GRM8: variants seen among roughly 807,000 people sequenced by gnomAD.
GRM8 encodes metabotropic glutamate receptor 8.
In GRM8, 47 loss-of-function variants were observed where a neutral mutation model predicts 87.2. That is an observed-to-expected ratio of 0.54 (90% CI 0.43 to 0.69). The LOEUF (loss-of-function observed/expected upper bound fraction) is 0.69. Among genes scored for constraint, GRM8 ranks in the 30% least tolerant of loss-of-function variants. The probability of loss-of-function intolerance (pLI) is 0.00; values close to 1 mark genes in which losing one functional copy is unlikely to be tolerated. For missense variants in GRM8, 1,019 were observed against 1,139.2 expected (o/e 0.89, Z 1.52); for synonymous variants, 396 against 404.5 (o/e 0.98, Z 0.25).
chr7:127,012,966 G>A (rs1411323438), intron 3 of GRM8, among the ~76,000 whole-genome samples: 1 of 152,108 alleles, frequency 6.6e-6, no homozygotes, highest in Non-Finnish European at 1.5e-5. Context: ...ACACACAGAG[G>A]GTGGCAGAGA....
At position 126,970,595 on chromosome 7, in the gene GRM8, A is replaced by G. The variant is rs781235678; in HGVS notation, c.728-65912T>C. On this transcript the variant is annotated intron_variant, in intron 3 of 10. Coordinates refer to ENST00000339582, the MANE Select transcript of GRM8 (RefSeq NM_000845.3). Reference sequence around the variant, plus strand: ...TATCCAAACCACAAAAACTTTCTCTATATCAGCAGTAAGGCTGTTTTGCTT... The same window carrying G: ...TATCCAAACCACAAAAACTTTCTCTGTATCAGCAGTAAGGCTGTTTTGCTT... 2.0e-5 allele frequency among the ~76,000 whole-genome samples: 3 copies of G among 152,292 alleles called. No individual in the cohort carries two copies. The East Asian group carries it at 5.8e-4, about 29-fold the overall frequency.
At chr7:127,003,057 T>C (rs1813884876) in intron 3 of GRM8, among the ~76,000 whole-genome samples, 1 of 151,698 alleles carries the variant, frequency 6.6e-6, no homozygotes, top group African/African-American at 2.4e-5. Context: ...TCCATTGCTC[T>C]GCCAGGGACA....
intron 3 of GRM8, among the ~76,000 whole-genome samples, chr7:126,963,190 C>G (rs1297130824): frequency 6.6e-6 from 1 of 152,156 alleles, no homozygotes; most frequent in Non-Finnish European, 1.5e-5. Flanking sequence ...ATCAATTTCT[C>G]TTTATTTTGG....
chr7:126,828,333 A>T (rs1330157561), intron 6 of GRM8, among the ~76,000 whole-genome samples: 3 of 152,072 alleles, frequency 2.0e-5, no homozygotes, highest in Admixed American at 2.0e-4. Context: ...CTGTGAATCC[A>T]TCTGGTCCTG....
intron 3 of GRM8, among the ~76,000 whole-genome samples, chr7:127,004,309 A>G (rs932929842): frequency 1.3e-5 from 2 of 151,726 alleles, no homozygotes; most frequent in Admixed American, 1.3e-4. Context: ...GCAAAAGAAT[A>G]TCATTAATAA....
At chr7:126,453,070 AACACACACACACACACACAC>A (rs71177555) in intron 9 of GRM8, among the ~76,000 whole-genome samples, 3 of 145,948 alleles carry the variant, frequency 2.1e-5, no homozygotes, top group African/African-American at 7.6e-5. Context: ...TTATAGCAGA[AACACACACACACACACACAC>A]ACACACACAC....
chr7:126,472,248 G>C (rs1310706134), intron 9 of GRM8, among the ~76,000 whole-genome samples: 1 of 152,136 alleles, frequency 6.6e-6, no homozygotes, highest in Non-Finnish European at 1.5e-5. Context: ...GTGAGAGAGG[G>C]CATCCCTGTC....
At chr7:126,853,825 T>C (rs1797442809) in intron 6 of GRM8, among the ~76,000 whole-genome samples, 1 of 152,176 alleles carries the variant, frequency 6.6e-6, no homozygotes, top group African/African-American at 2.4e-5. Flanking sequence ...GTTATTTGCT[T>C]TTCCTCTTTC....
intron 2 of GRM8, among the ~76,000 whole-genome samples, chr7:127,164,123 A>C (rs764883220): frequency 2.0e-5 from 3 of 152,032 alleles, no homozygotes; most frequent in African/African-American, 4.8e-5. Context: ...CCGATCATTT[A>C]AAGGGGTATA....
intron 3 of GRM8, among the ~76,000 whole-genome samples, chr7:126,931,424 C>T (rs1805758287): frequency 6.6e-6 from 1 of 152,112 alleles, no homozygotes; most frequent in Non-Finnish European, 1.5e-5. Flanking sequence ...TAAAATTGCA[C>T]TGAGCATAAT....
At chr7:126,734,663 A>G (rs1227460981) in intron 7 of GRM8, among the ~76,000 whole-genome samples, 2 of 151,960 alleles carry the variant, frequency 1.3e-5, no homozygotes, top group Non-Finnish European at 2.9e-5. Context: ...TCAATGTTTC[A>G]TTATTAAAAT....
At chr7:127,028,306 T>C (rs1817006259) in intron 3 of GRM8, among the ~76,000 whole-genome samples, 1 of 152,202 alleles carries the variant, frequency 6.6e-6, no homozygotes, top group South Asian at 2.1e-4. Flanking sequence ...TTTTTTGTTG[T>C]GTCTCTGCCA....
chr7:126,896,402 C>T lies in GRM8; in HGVS notation c.1156+6140G>A, dbSNP rs541200673. Among the ~76,000 whole-genome samples the T allele has an allele frequency of 7.2e-5, 11 of 152,014 alleles. No individual in the cohort carries two copies. The East Asian group carries it at 9.7e-4, about 13-fold the overall frequency. ...AAGGGGACAAATGGGGATGGCAGAA[C>T]GCATTTTAATTCAGGGGAACCTACC... On this transcript the variant is annotated intron_variant, in intron 6 of 10. Coordinates refer to ENST00000339582, the MANE Select transcript of GRM8 (RefSeq NM_000845.3).
rs139442459 is a variant in GRM8 at position 127,233,289 on chromosome 7, C to T, written c.510+9406G>A. On this transcript the variant is annotated intron_variant, in intron 2 of 10. Coordinates refer to ENST00000339582, the MANE Select transcript of GRM8 (RefSeq NM_000845.3). ...AATTCATATTAATCTATTTTACTCA[C>T]GAGTATCAGCACCACTAGATAAATA... Among the ~76,000 whole-genome samples, 322 of 152,194 alleles carry T rather than the reference C, an allele frequency of 2.1e-3. 13 individuals are homozygous for T. In the East Asian group the frequency reaches 0.05, roughly 24 times the overall value.
At chr7:127,030,289 T>G (rs879031737) in intron 3 of GRM8, among the ~76,000 whole-genome samples, 2 of 120,636 alleles carry the variant, frequency 1.7e-5, no homozygotes, top group Admixed American at 7.7e-5. Context: ...GAAAAAGCAC[T>G]CCCCAGAAGG....
At chr7:126,565,713 G>A (rs993311645) in intron 8 of GRM8, among the ~76,000 whole-genome samples, 44 of 151,970 alleles carry the variant, frequency 2.9e-4, no homozygotes, top group African/African-American at 1.0e-3. Flanking sequence ...AACTATAAAA[G>A]AACCCAAATA....
At chr7:126,789,018 T>C (rs891360601) in intron 6 of GRM8, among the ~76,000 whole-genome samples, 1 of 152,102 alleles carries the variant, frequency 6.6e-6, no homozygotes, top group African/African-American at 2.4e-5. Flanking sequence ...ATAGAGCAAA[T>C]AGCAAAGACC....
intron 7 of GRM8, among the ~76,000 whole-genome samples, chr7:126,632,424 A>G (rs550593608): frequency 3.9e-4 from 59 of 152,312 alleles, no homozygotes; most frequent in African/African-American, 1.4e-3. Context: ...ACACTTTTAC[A>G]CTGTTGGTGG....
intron 9 of GRM8, among the ~76,000 whole-genome samples, chr7:126,477,661 AGAG>A (rs1806159329): frequency 1.3e-5 from 2 of 150,888 alleles, no homozygotes; most frequent in Admixed American, 6.6e-5. Context: ...AAGAAAGAAA[AGAG>A]GAAGGAAAGA....
Sources: gnomAD v4.1 joint callset for allele counts (sites outside exome capture counted in the v4.1 genomes callset) on GRCh38, gnomAD v4.1.1 for gene constraint, MANE v1.5 for transcripts, NCBI Gene and HGNC (gene_info 2026-07-23, HGNC 2026-07-21) for gene names.